PRKCQ: variants seen among roughly 807,000 people sequenced by gnomAD.
PRKCQ encodes protein kinase C theta type.
Under a neutral mutation model 91.2 loss-of-function variants are expected in PRKCQ, and 41 were observed. The ratio of observed to expected loss-of-function variants is 0.45; its 90% CI spans 0.35 to 0.58. The LOEUF (loss-of-function observed/expected upper bound fraction) is 0.58. Among genes scored for constraint, PRKCQ ranks in the 20% least tolerant of loss-of-function variants. The pLI, the probability that PRKCQ is intolerant of heterozygous loss-of-function variation, is 0.00. For missense variants in PRKCQ, 673 were observed against 896.5 expected, an observed-to-expected ratio of 0.75 and a Z score of 3.18; for synonymous variants, 307 against 316.9, an observed-to-expected ratio of 0.97 and a Z score of 0.33.
chr10:6,407,554 ATG>A, the PRKCQ span, among the ~76,000 whole-genome samples: 1 of 151,094 alleles, frequency 6.6e-6, no homozygotes, highest in Non-Finnish European at 1.5e-5. This position sits in a 1 kb window ranked among gnomAD's most constrained non-coding sequence, Gnocchi z 4.0. Context: ...TGTGTATGGC[ATG>A]TGTGTATGGC....
rs764168918 is a variant in PRKCQ at position 6,465,843 on chromosome 10, A to G, written c.1354-1439T>C. On this transcript the variant is annotated intron_variant, in intron 12 of 17. Coordinates refer to ENST00000263125, the MANE Select transcript of PRKCQ (RefSeq NM_006257.5). This position sits in a 1 kb window ranked among gnomAD's most constrained non-coding sequence, Gnocchi z 4.4. ...TTCCGATCTGATTTACTAATTCCAT[A>G]TATCTTTAAGTGAAGCCCACCCTTT... 6.6e-6 allele frequency among the ~76,000 whole-genome samples: 1 copy of G among 152,228 alleles called. No homozygotes were observed. The highest frequency in any genetic ancestry group is 2.4e-5 in the African/African-American group (1 of 41,462).
intron 9 of PRKCQ, among the ~76,000 whole-genome samples, 195 bp downstream of exon 9, chr10:6,485,840 A>G (rs1216921656): frequency 6.6e-6 from 1 of 152,272 alleles, no homozygotes; most frequent in East Asian, 1.9e-4. Flanking sequence ...AAAGATCTGC[A>G]TAATACAAAT....
In PRKCQ at chr10:6,556,433, G is replaced by GAAAAAAAAAAAA. The variant is rs1564391742; in HGVS notation, c.-10+23777_-10+23778insTTTTTTTTTTTT. Among the ~76,000 whole-genome samples, 5 of 93,484 alleles carry GAAAAAAAAAAAA rather than the reference G, an allele frequency of 5.3e-5. 2 individuals are homozygous for GAAAAAAAAAAAA. The highest frequency in any genetic ancestry group is 5.6e-5 in the Non-Finnish European group (3 of 53,154). 61.3% of individuals were successfully genotyped at this position (93,484 alleles called of 152,430 possible). A position where few individuals can be genotyped will look rare whatever the true frequency, so the allele number is the denominator to read the frequency against. ...AGCAACAAAGCAAGACCCTGTCTTG[G>GAAAAAAAAAAAA]GAAAAAAAAAAAAAAAAAAAAAGCA... On this transcript the variant is annotated intron_variant, in intron 1 of 17. Transcript: ENST00000263125.
At chr10:6,485,292 G>T in intron 9 of PRKCQ, 23 bp from the exon 10 acceptor site, 1 of 1,589,242 alleles carries the variant, frequency 6.3e-7, no homozygotes, top group South Asian at 1.1e-5. Context: ...CAGAGAGTCA[G>T]ACCACCCACC....
chr10:6,447,941 G>C (rs1006477684), intron 15 of PRKCQ, among the ~76,000 whole-genome samples: 1 of 152,180 alleles, frequency 6.6e-6, no homozygotes, highest in Non-Finnish European at 1.5e-5. Context: ...AGTTTTGTTT[G>C]GTTTTTGAGG....
chr10:6,493,837 G>C (rs182192107), intron 7 of PRKCQ, among the ~76,000 whole-genome samples: 1 of 152,186 alleles, frequency 6.6e-6, no homozygotes, highest in African/African-American at 2.4e-5. Context: ...CAGAATCACC[G>C]GTTAGCACAA....
chr10:6,496,216 C>CAAAAAA (rs199934718), intron 7 of PRKCQ, among the ~76,000 whole-genome samples: 5 of 94,208 alleles, frequency 5.3e-5, no homozygotes, highest in African/African-American at 1.7e-4. Flanking sequence ...GATTCCATCT[C>CAAAAAA]AAAAAAAAAA....
downstream of PRKCQ, among the ~76,000 whole-genome samples, chr10:6,423,843 G>A (rs1250398349): frequency 4.6e-5 from 7 of 152,160 alleles, no homozygotes; most frequent in Admixed American, 2.0e-4. Context: ...AGTTAATCCT[G>A]TAGTGCCTGT....
intron 1 of PRKCQ, among the ~76,000 whole-genome samples, chr10:6,524,634 G>A (rs1839132502): frequency 6.6e-6 from 1 of 152,232 alleles, no homozygotes; most frequent in Non-Finnish European, 1.5e-5. Flanking sequence ...TTACAGGACA[G>A]AGCTCTCACC....
chr10:6,541,971 A>G (rs1312720802), intron 1 of PRKCQ, among the ~76,000 whole-genome samples: 1 of 152,214 alleles, frequency 6.6e-6, no homozygotes, highest in Non-Finnish European at 1.5e-5. Context: ...CGCTGAGCCC[A>G]AAGCAATTCT....
At position 6,487,369 on chromosome 10, in the gene PRKCQ, A is replaced by G. The variant is rs374326977; in HGVS notation, c.791-1225T>C. Among the ~76,000 whole-genome samples the G allele has an allele frequency of 4.3e-4, 65 of 152,336 alleles. No homozygotes were observed. In the East Asian group the frequency reaches 0.011, roughly 26 times the overall value. The stretch of plus-strand genomic sequence containing the variant: ...TTAAAGAAAAAGAAAGAGGAGAGGG[A>G]AATACTCGAGCACCTGTCAGGTGGG... On this transcript the variant is annotated intron_variant, in intron 8 of 17. Transcript: ENST00000263125.
At chr10:6,395,562 G>T in the PRKCQ span, among the ~76,000 whole-genome samples, 1 of 152,192 alleles carries the variant, frequency 6.6e-6, no homozygotes, top group South Asian at 2.1e-4. Context: ...CTCCAATTGC[G>T]TGACTCCTAA....
At chr10:6,403,441 G>A in the PRKCQ span, among the ~76,000 whole-genome samples, 1 of 152,210 alleles carries the variant, frequency 6.6e-6, no homozygotes. Flanking sequence ...GCCCAGCTCA[G>A]CATTCATGTC....
At chr10:6,457,071 T>C (rs867715295) in intron 14 of PRKCQ, among the ~76,000 whole-genome samples, 4 of 152,136 alleles carry the variant, frequency 2.6e-5, no homozygotes, top group Non-Finnish European at 1.5e-5. Flanking sequence ...CCCATACCCA[T>C]TGGAGACCCT....
chr10:6,532,614 C>G (rs772205028), intron 1 of PRKCQ, among the ~76,000 whole-genome samples: 1 of 152,212 alleles, frequency 6.6e-6, no homozygotes, highest in South Asian at 2.1e-4. Flanking sequence ...CCTGTTCTTA[C>G]AAGACACCAA....
chr10:6,539,512 C>G (rs1839702593), intron 1 of PRKCQ, among the ~76,000 whole-genome samples: 1 of 151,918 alleles, frequency 6.6e-6, no homozygotes, highest in Admixed American at 6.6e-5. Flanking sequence ...GTCACTGTCT[C>G]CCATTACCCC....
chr10:6,570,258 T>C (rs370265613), intron 1 of PRKCQ, among the ~76,000 whole-genome samples: 1 of 151,974 alleles, frequency 6.6e-6, no homozygotes, highest in Admixed American at 6.6e-5. Context: ...GTTCAAGACA[T>C]GTGGGGTGAG....
Position 6,465,192 on chromosome 10 carries a change from G to A in PRKCQ, c.1354-788C>T, listed in dbSNP as rs979063568. On this transcript the variant is annotated intron_variant, in intron 12 of 17. Coordinates refer to ENST00000263125, the MANE Select transcript of PRKCQ (RefSeq NM_006257.5). The surrounding 1 kb of genome is among the most constrained non-coding windows in gnomAD (Gnocchi z 4.4). ...TAGCTACTGAGCATATTCTGTGGGC[G>A]TGGCGTGGGGGGAGTGGGCGGGTCA... Among the ~76,000 whole-genome samples the A allele has an allele frequency of 2.8e-4, 42 of 152,342 alleles. No individual in the cohort carries two copies. The highest frequency in any genetic ancestry group is 9.6e-4 in the African/African-American group (40 of 41,580).
At chr10:6,552,098 T>TAAAAAAA (rs1840209747) in intron 1 of PRKCQ, among the ~76,000 whole-genome samples, 1 of 152,212 alleles carries the variant, frequency 6.6e-6, no homozygotes, top group African/African-American at 2.4e-5. Flanking sequence ...TTCATATGCT[T>TAAAAAAA]GTTGGCTATC....
Sources: gnomAD v4.1 joint callset for allele counts (sites outside exome capture counted in the v4.1 genomes callset) on GRCh38, gnomAD v4.1.1 for gene constraint, Gnocchi (gnomAD v3.1) non-coding constraint, MANE v1.5 for transcripts, NCBI Gene and HGNC (gene_info 2026-07-23, HGNC 2026-07-21) for gene names.